ADAMTS6: variants seen among roughly 807,000 people sequenced by gnomAD.
ADAMTS6 encodes the protein ADAM metallopeptidase with thrombospondin type 1 motif 6.
A neutral mutation model predicts 144.3 loss-of-function variants in ADAMTS6; 23 were observed. The observed-to-expected ratio is 0.16, with a 90% CI of 0.11 to 0.23. The LOEUF is 0.23. Ranked by LOEUF, ADAMTS6 falls within the 10% of genes least tolerant of loss-of-function variation. The pLI is 1.00. For missense variants in ADAMTS6, 999 were observed against 1,379.6 expected (o/e 0.72, Z 4.37); for synonymous variants, 444 against 457.5 (o/e 0.97, Z 0.38).
chr5:65,451,465 C>G lies in ADAMTS6; in HGVS notation c.1073+10G>C. On this transcript the variant is annotated intron_variant, in intron 7 of 24. Coordinates refer to ENST00000381055, the MANE Select transcript of ADAMTS6 (RefSeq NM_197941.4). ...ACAATCAATGGAAAAATACTTGCAACAAACCATACCTAGTAATAAGAACTG... is the reference window on the plus strand; with the variant it reads ...ACAATCAATGGAAAAATACTTGCAAGAAACCATACCTAGTAATAAGAACTG... The G allele has an allele frequency of 6.2e-7, 1 of 1,611,402 alleles. No individual in the cohort carries two copies. The highest frequency in any genetic ancestry group is 1.1e-5 in the South Asian group (1 of 90,616).
At chr5:65,326,012 TCTTTCTTTTTTTC>T in intron 9 of ADAMTS6, among the ~76,000 whole-genome samples, 1 of 152,182 alleles carries the variant, frequency 6.6e-6, no homozygotes, top group Admixed American at 6.5e-5. Context: ...TCTTGTTTTC[TCTTTCTTTTTTTC>T]CTTTCTTTTA....
chr5:65,470,612 AAATC>A (rs1371897896), intron 3 of ADAMTS6, among the ~76,000 whole-genome samples, 162 bp downstream of exon 3: 1 of 152,078 alleles, frequency 6.6e-6, no homozygotes, highest in African/African-American at 2.4e-5. Context: ...ATTAAAAAGA[AAATC>A]AAAATCAAAG....
chr5:65,378,331 C>T (rs1294440237), intron 7 of ADAMTS6, among the ~76,000 whole-genome samples: 1 of 152,164 alleles, frequency 6.6e-6, no homozygotes, highest in African/African-American at 2.4e-5. Context: ...CCTTCTCTAT[C>T]TTCTCCCAAT....
intron 11 of ADAMTS6, among the ~76,000 whole-genome samples, chr5:65,278,981 T>C (rs1485432903): frequency 2.0e-5 from 3 of 150,352 alleles, no homozygotes; most frequent in Non-Finnish European, 2.9e-5. Context: ...TCTCACTCTG[T>C]AGCCCAGGCT....
chr5:65,409,326 T>C (rs1754852848), intron 7 of ADAMTS6, among the ~76,000 whole-genome samples: 1 of 130,662 alleles, frequency 7.7e-6, no homozygotes, highest in African/African-American at 2.8e-5. Context: ...ATATCACCAC[T>C]GATCCCACAG....
intron 7 of ADAMTS6, among the ~76,000 whole-genome samples, chr5:65,337,633 CCCAT>C (rs1458083920): frequency 6.6e-6 from 1 of 152,080 alleles, no homozygotes; most frequent in Non-Finnish European, 1.5e-5. Flanking sequence ...TCAGTCGTCT[CCCAT>C]CTTATATTTA....
intron 20 of ADAMTS6, among the ~76,000 whole-genome samples, chr5:65,205,042 A>G (rs1405372631): frequency 6.6e-6 from 1 of 152,122 alleles, no homozygotes; most frequent in Non-Finnish European, 1.5e-5. Context: ...GTGAAAGATA[A>G]GCACATTTAG....
intron 23 of ADAMTS6, among the ~76,000 whole-genome samples, chr5:65,171,823 T>C (rs1201442152): frequency 6.6e-6 from 1 of 152,140 alleles, no homozygotes; most frequent in Non-Finnish European, 1.5e-5. Context: ...CTTTTGCATC[T>C]ACTCTGGGAT....
intron 7 of ADAMTS6, among the ~76,000 whole-genome samples, chr5:65,353,361 G>A (rs540109749): frequency 6.6e-6 from 1 of 152,090 alleles, no homozygotes; most frequent in African/African-American, 2.4e-5. Context: ...ACAGCATAGG[G>A]CTGGGAAGTA....
chr5:65,451,659 A>G (rs893236602), intron 6 of ADAMTS6, 39 bp from the exon 7 acceptor site: 19 of 1,605,818 alleles, frequency 1.2e-5, no homozygotes, highest in Non-Finnish European at 1.5e-5. Flanking sequence ...TTCCAAACAA[A>G]TTACTAAGGT....
intron 20 of ADAMTS6, among the ~76,000 whole-genome samples, chr5:65,206,820 TC>T (rs1010587773): frequency 2.0e-5 from 2 of 102,326 alleles, no homozygotes; most frequent in Non-Finnish European, 3.9e-5. Context: ...CTGTTTTTTT[TC>T]TCTCTCTCTC....
chr5:65,183,955 G>A (rs1270333475), intron 22 of ADAMTS6, among the ~76,000 whole-genome samples: 1 of 151,962 alleles, frequency 6.6e-6, no homozygotes, highest in African/African-American at 2.4e-5. Context: ...AAACCTTTAG[G>A]TAGCAGGGTA....
At chr5:65,368,807 C>G (rs1037058229) in intron 7 of ADAMTS6, among the ~76,000 whole-genome samples, 2 of 152,170 alleles carry the variant, frequency 1.3e-5, no homozygotes, top group African/African-American at 4.8e-5. Flanking sequence ...GTAATCTCAG[C>G]ACTTTGGGAG....
chr5:65,171,800 G>A (rs1185819457), intron 23 of ADAMTS6, among the ~76,000 whole-genome samples: 3 of 152,076 alleles, frequency 2.0e-5, no homozygotes, highest in Non-Finnish European at 2.9e-5. Flanking sequence ...TCAAATGAGC[G>A]TGTCTCCCTC....
chr5:65,179,935 AACACACACATGTGCACGCACGCGC>A (rs1017154961), intron 22 of ADAMTS6, among the ~76,000 whole-genome samples: 1 of 135,394 alleles, frequency 7.4e-6, no homozygotes, highest in African/African-American at 3.0e-5. Flanking sequence ...TGTGCATGCA[AACACACACATGTGCACGCACGCGC>A]ACACACACAC....
chr5:65,173,147 A>T, intron 22 of ADAMTS6, 139 bp from the exon 23 acceptor site: 2 of 805,224 alleles, frequency 2.5e-6, no homozygotes, highest in African/African-American at 1.7e-5. Context: ...TCTCTCAGAT[A>T]CAACGTTCCT....
chr5:65,238,259 C>T (rs1033734787), intron 15 of ADAMTS6, among the ~76,000 whole-genome samples: 2 of 152,084 alleles, frequency 1.3e-5, no homozygotes, highest in Admixed American at 6.5e-5. Flanking sequence ...AATAGATTGT[C>T]TCTATTTCAG....
At chr5:65,431,209 A>T (rs1464131805) in intron 7 of ADAMTS6, among the ~76,000 whole-genome samples, 1 of 152,080 alleles carries the variant, frequency 6.6e-6, no homozygotes, top group African/African-American at 2.4e-5. Flanking sequence ...TATAAACATT[A>T]TATGTCTCAT....
intron 7 of ADAMTS6, among the ~76,000 whole-genome samples, chr5:65,402,626 T>C (rs527322131): frequency 1.3e-5 from 2 of 152,188 alleles, no homozygotes; most frequent in Non-Finnish European, 2.9e-5. Flanking sequence ...CAATTATATT[T>C]TGATGCACAT....
Sources: gnomAD v4.1 joint callset for allele counts (sites outside exome capture counted in the v4.1 genomes callset) on GRCh38, gnomAD v4.1.1 for gene constraint, MANE v1.5 for transcripts, NCBI Gene and HGNC (gene_info 2026-07-23, HGNC 2026-07-21) for gene names.